Variants in CFAP300 observed in about 807,000 individuals in gnomAD.
The protein encoded by CFAP300 is cilia and flagella associated protein 300.
In CFAP300, 32 loss-of-function variants were observed where a neutral mutation model predicts 33.0. The ratio of observed to expected loss-of-function variants is 0.97; its 90% CI spans 0.73 to 1.30. CFAP300 has a LOEUF of 1.30. CFAP300 is among the 50% of genes most tolerant of loss of function. CFAP300 has a pLI of 0.00. For missense variants in CFAP300, 356 were observed against 318.1 expected, an observed-to-expected ratio of 1.12 and a Z score of -0.90; for synonymous variants, 102 against 106.8, an observed-to-expected ratio of 0.95 and a Z score of 0.28.
intron 4 of CFAP300, among the ~76,000 whole-genome samples, chr11:102,066,910 CAT>C (rs1384029169): frequency 6.6e-6 from 1 of 152,194 alleles, no homozygotes. Context: ...TGCGAAACGT[CAT>C]ATAACTCACA....
At position 102,058,956 on chromosome 11, in the gene CFAP300, G is replaced by A; in HGVS notation, c.268+1G>A. The A allele has an allele frequency of 6.6e-7, 1 of 1,523,250 alleles. No individual in the cohort carries two copies. Among genetic ancestry groups the A allele is most frequent in the Non-Finnish European group, 8.9e-7 (1 of 1,126,790 alleles). 94.4% of individuals were successfully genotyped at this position (1,523,250 alleles called of 1,614,324 possible). A position where few individuals can be genotyped will look rare whatever the true frequency, so the allele number is the denominator to read the frequency against. On this transcript the variant is annotated splice_donor_variant, in intron 3 of 6. Coordinates refer to ENST00000434758, the MANE Select transcript of CFAP300 (RefSeq NM_032930.3). LOFTEE classifies it high-confidence loss of function. ...TCTTCTGGACAATGGATCATATTAGGTAAATAAAATTTTCATCTTTTCAGA... is the reference window on the plus strand; with the variant it reads ...TCTTCTGGACAATGGATCATATTAGATAAATAAAATTTTCATCTTTTCAGA...
rs539750334 is a variant in CFAP300 at position 102,054,203 on chromosome 11, T to C, written c.193-4677T>C. Among the ~76,000 whole-genome samples, 7 of 152,352 alleles carry C rather than the reference T, an allele frequency of 4.6e-5. No homozygotes were observed. The East Asian group carries it at 7.7e-4, about 17-fold the overall frequency. On this transcript the variant is annotated intron_variant, in intron 2 of 6. Coordinates refer to ENST00000434758, the MANE Select transcript of CFAP300 (RefSeq NM_032930.3). ...CTCAACTTTCTGATCTAAACCTAAATGTTCTTTCTATATGAACATTTTTTC... is the reference window on the plus strand; with the variant it reads ...CTCAACTTTCTGATCTAAACCTAAACGTTCTTTCTATATGAACATTTTTTC...
chr11:102,047,475 C>A lies in CFAP300; in HGVS notation c.5C>A (p.Ala2Asp). 6.5e-7 allele frequency: 1 copy of A among 1,535,880 alleles called. No individual in the cohort carries two copies. Among genetic ancestry groups the A allele is most frequent in the Non-Finnish European group, 8.7e-7 (1 of 1,146,684 alleles). The change falls in exon 1 of 7, where the codon GCT becomes GAT. Residue 2 changes from alanine (A) to aspartate (D), a missense_variant. Coordinates refer to ENST00000434758, the MANE Select transcript of CFAP300 (RefSeq NM_032930.3). MATGELGDLGGY... is the reference protein window; with the variant it reads MDTGELGDLGGY... ...ATCCACCCAGCCGAGAGCACGATGG[C>A]TACTGGGGAGCTCGGGGACTTGGGT...
chr11:102,078,182 C>T (rs1045714289), intron 5 of CFAP300, among the ~76,000 whole-genome samples: 11 of 152,102 alleles, frequency 7.2e-5, no homozygotes, highest in African/African-American at 1.9e-4. Flanking sequence ...TGTAAGCCGC[C>T]GCGCCCAGTC....
At chr11:102,057,752 A>G (rs1942081470) in intron 2 of CFAP300, 1 of 152,316 alleles carries the variant, frequency 6.6e-6, no homozygotes, top group Admixed American at 6.5e-5. Context: ...AAGGAGGCAC[A>G]CACAGAATTC....
At chr11:102,077,656 C>T (rs897705937) in intron 5 of CFAP300, among the ~76,000 whole-genome samples, 1 of 152,142 alleles carries the variant, frequency 6.6e-6, no homozygotes, top group Non-Finnish European at 1.5e-5. Flanking sequence ...CTCACTGCAA[C>T]CTCCACCTCC....
chr11:102,068,870 T>G (rs756160629), intron 4 of CFAP300, among the ~76,000 whole-genome samples: 108 of 152,150 alleles, frequency 7.1e-4, no homozygotes, highest in Non-Finnish European at 1.3e-3. Context: ...TTACCAAGGA[T>G]TGGAAATTAC....
At chr11:102,052,584 G>C (rs1050601296) in intron 2 of CFAP300, among the ~76,000 whole-genome samples, 5 of 152,298 alleles carry the variant, frequency 3.3e-5, no homozygotes, top group African/African-American at 1.2e-4. Context: ...GACTGTGTCT[G>C]GCTTGGCATA....
At chr11:102,070,433 A>G (rs1182336757) in intron 4 of CFAP300, among the ~76,000 whole-genome samples, 7 of 152,214 alleles carry the variant, frequency 4.6e-5, no homozygotes, top group African/African-American at 1.7e-4. Context: ...TGATTGTTGT[A>G]TAATTCATTG....
intron 2 of CFAP300, 33 bp from the exon 3 acceptor site, chr11:102,058,847 A>G (rs752185763): frequency 2.5e-6 from 3 of 1,220,866 alleles, no homozygotes; most frequent in African/African-American, 1.5e-5. Context: ...ATAATAAAAT[A>G]TCTAACTTAT....
At chr11:102,069,467 AT>A (rs1194355641) in intron 4 of CFAP300, among the ~76,000 whole-genome samples, 12 of 152,150 alleles carry the variant, frequency 7.9e-5, no homozygotes, top group Admixed American at 7.9e-4. Context: ...ATGTTTTCAC[AT>A]TCATTCCAAA....
At chr11:102,061,290 C>T (rs1942146305) in intron 3 of CFAP300, among the ~76,000 whole-genome samples, 1 of 152,122 alleles carries the variant, frequency 6.6e-6, no homozygotes, top group South Asian at 2.1e-4. Flanking sequence ...TCTTTTTCTG[C>T]TATATTTCTT....
At chr11:102,069,272 C>T (rs1942273833) in intron 4 of CFAP300, among the ~76,000 whole-genome samples, 1 of 152,112 alleles carries the variant, frequency 6.6e-6, no homozygotes, top group African/African-American at 2.4e-5. Context: ...AAACTAACAT[C>T]CAGCTTCAGC....
intron 4 of CFAP300, among the ~76,000 whole-genome samples, chr11:102,070,652 T>G (rs77559062): frequency 0.056 from 8,576 of 152,214 alleles, 372 homozygotes; most frequent in African/African-American, 0.1. Flanking sequence ...TTATTTGAAG[T>G]CTTAGTACTT....
In CFAP300 at chr11:102,083,104, A is replaced by T. The variant is rs1305757495; in HGVS notation, c.709A>T (p.Asn237Tyr). ...SAGMCYPSAK[N>Y]HEQTFSYFIV... ...TGGTATGTGCTATCCTTCAGCAAAG[A>T]ATCATGAACAGACATTTTCTTACTT... The change falls in exon 7 of 7, where the codon AAT becomes TAT. Residue 237 changes from asparagine to tyrosine, a missense_variant. Coordinates refer to ENST00000434758, the MANE Select transcript of CFAP300 (RefSeq NM_032930.3). The T allele has an allele frequency of 6.5e-7, 1 of 1,530,762 alleles. No homozygotes were observed. The highest frequency in any genetic ancestry group is 1.3e-5 in the South Asian group (1 of 74,694). The allele number at this position is 1,530,762 out of a possible 1,614,324, so 94.8% of individuals were successfully genotyped here. A position where few individuals can be genotyped will look rare whatever the true frequency, so the allele number is the denominator to read the frequency against.
chr11:102,060,557 A>C (rs1328654142), intron 3 of CFAP300, among the ~76,000 whole-genome samples: 1 of 152,184 alleles, frequency 6.6e-6, no homozygotes, highest in East Asian at 1.9e-4. Flanking sequence ...GGAAGAAAGC[A>C]GAGTTAATAT....
At chr11:102,072,219 G>A (rs1942323339) in intron 4 of CFAP300, among the ~76,000 whole-genome samples, 1 of 151,314 alleles carries the variant, frequency 6.6e-6, no homozygotes, top group Admixed American at 6.6e-5. Context: ...CAAAAGACCT[G>A]TCTTCAAGTT....
chr11:102,059,291 G>A (rs1205252267), intron 3 of CFAP300, among the ~76,000 whole-genome samples: 1 of 49,230 alleles, frequency 2.0e-5, no homozygotes, highest in East Asian at 2.1e-3. Flanking sequence ...ATGTGTGTGT[G>A]TGTGTGTGTG....
At chr11:102,056,776 A>G (rs1591315977) in intron 2 of CFAP300, among the ~76,000 whole-genome samples, 1 of 151,852 alleles carries the variant, frequency 6.6e-6, no homozygotes, top group East Asian at 2.0e-4. Context: ...GGAGTGTGCC[A>G]CCATGCCCAG....
Sources: allele counts gnomAD v4.1 joint callset (sites outside exome capture counted in the v4.1 genomes callset), GRCh38; gene constraint gnomAD v4.1.1; transcripts MANE v1.5; gene names NCBI Gene and HGNC (gene_info 2026-07-23, HGNC 2026-07-21).